COL12A1: variants seen among roughly 807,000 people sequenced by gnomAD.
COL12A1 encodes collagen alpha-1(XII) chain.
Under a neutral mutation model 349.7 loss-of-function variants are expected in COL12A1, and 114 were observed. The ratio of observed to expected loss-of-function variants is 0.33; its 90% CI spans 0.28 to 0.38. COL12A1 has a LOEUF of 0.38. Ranked by LOEUF, COL12A1 falls within the 10% of genes least tolerant of loss-of-function variation. The pLI, the probability that COL12A1 is intolerant of heterozygous loss-of-function variation, is 1.00. For synonymous variants in COL12A1, 1,369 were observed against 1,329.0 expected (o/e 1.03, Z -0.66); for missense variants, 3,284 against 3,756.9 (o/e 0.87, Z 3.29).
rs2149388242 is a variant in COL12A1 at position 75,133,966 on chromosome 6, C to T, written c.5556G>A (p.Val1852=). 2 of 1,613,960 alleles carry T rather than the reference C, an allele frequency of 1.2e-6. No homozygotes were observed. The highest frequency in any genetic ancestry group is 2.2e-5 in the East Asian group (1 of 44,842). ...TCAAGGTGCTGGTAGAAGGGTCATACACTCTCAGGTTCCTTACAGTGTTTA... is the reference window on the plus strand; with the variant it reads ...TCAAGGTGCTGGTAGAAGGGTCATATACTCTCAGGTTCCTTACAGTGTTTA... ...KPLNTVRNLR[V]YDPSTSTLNV... is the part of the protein sequence containing the mutation. The change falls in exon 33 of 66, where the codon GTG becomes GTA. Residue 1852 remains valine, a synonymous_variant. Transcript: ENST00000322507.
chr6:75,089,627 G>A (rs1429967709), intron 63 of COL12A1, among the ~76,000 whole-genome samples: 4 of 152,124 alleles, frequency 2.6e-5, no homozygotes, highest in African/African-American at 4.8e-5. Flanking sequence ...TGAAATATCT[G>A]GAATCAAATA....
intron 8 of COL12A1, among the ~76,000 whole-genome samples, chr6:75,188,019 T>C (rs1014198788): frequency 1.3e-4 from 20 of 152,250 alleles, no homozygotes; most frequent in African/African-American, 4.6e-4. Flanking sequence ...AATGTTTAAA[T>C]CAGAGTGCAA....
chr6:75,126,233 A>C, intron 39 of COL12A1, 118 bp downstream of exon 39: 1 of 1,189,026 alleles, frequency 8.4e-7, no homozygotes, highest in Non-Finnish European at 1.1e-6. Context: ...TGGTTACAGG[A>C]AACTTGGTGT....
intron 13 of COL12A1, among the ~76,000 whole-genome samples, chr6:75,170,705 G>A (rs943662880): frequency 1.3e-5 from 2 of 152,190 alleles, no homozygotes; most frequent in Non-Finnish European, 2.9e-5. Flanking sequence ...CAACGTCAGA[G>A]TTATTATACC....
At position 75,119,107 on chromosome 6, in the gene COL12A1, A is replaced by C; in HGVS notation, c.7290T>G (p.Val2430=). 1 of 1,613,974 alleles carries C rather than the reference A, an allele frequency of 6.2e-7. No individual in the cohort carries two copies. Among genetic ancestry groups the C allele is most frequent in the Non-Finnish European group, 8.5e-7 (1 of 1,179,918 alleles). ...GMRKNVPKVL[V]VVTDGRSQDE... is the part of the protein sequence containing the mutation. Reference sequence around the variant, plus strand: ...CCTGGGACCGACCGTCCGTGACCACAACCAACACCTTAGGGACATTCTTCC... The same window carrying C: ...CCTGGGACCGACCGTCCGTGACCACCACCAACACCTTAGGGACATTCTTCC... Residue 2430 remains valine, a synonymous_variant, in exon 46 of 66, where the codon GTT becomes GTG. Transcript: ENST00000322507.
intron 13 of COL12A1, among the ~76,000 whole-genome samples, chr6:75,168,935 T>C (rs1315596365): frequency 6.6e-6 from 1 of 152,196 alleles, no homozygotes; most frequent in African/African-American, 2.4e-5. Flanking sequence ...TATATTGCCA[T>C]GTACAGAAAA....
Position 75,146,190 on chromosome 6 carries a change from T to C in COL12A1, c.4472A>G (p.His1491Arg). ...TCCTCCCACAGGCTGCCACTGCACA[T>C]GCATGGTGGTAGGGCCAACATCATA... is the stretch of plus-strand genomic sequence containing the variant. The part of the protein sequence containing the change: ...NIYDVGPTTM[H>R]VQWQPVGGAT... Residue 1491 changes from histidine to arginine, a missense_variant, in exon 24 of 66, where the codon CAT (histidine) becomes CGT (arginine). Around this residue, in one of 2 missense-constraint regions of COL12A1, gnomAD observed 2,601 missense variants for 2,824.8 expected, o/e 0.92. Transcript: ENST00000322507. The C allele has an allele frequency of 6.2e-7, 1 of 1,613,538 alleles. No individual in the cohort carries two copies. The highest frequency in any genetic ancestry group is 8.5e-7 in the Non-Finnish European group (1 of 1,179,684).
At position 75,086,434 on chromosome 6, in the gene COL12A1, G is replaced by T. The variant is rs1767490819; in HGVS notation, c.*113C>A. ...CGACCCGGTTCGTTAACCATTATCT[G>T]TGGTGAGATTTCCATACAGACTCAT... On this transcript the variant is annotated 3_prime_UTR_variant, in exon 66 of 66. Coordinates refer to ENST00000322507, the MANE Select transcript of COL12A1 (RefSeq NM_004370.6). 2.1e-6 allele frequency: 2 copies of T among 953,090 alleles called. No individual in the cohort carries two copies. The highest frequency in any genetic ancestry group is 1.6e-6 in the Non-Finnish European group (1 of 633,986). 59.0% of individuals were successfully genotyped at this position (953,090 alleles called of 1,614,324 possible). A position where few individuals can be genotyped will look rare whatever the true frequency, so the allele number is the denominator to read the frequency against.
At chr6:75,198,339 G>C (rs1473081841) in intron 2 of COL12A1, among the ~76,000 whole-genome samples, 7 of 151,654 alleles carry the variant, frequency 4.6e-5, no homozygotes, top group Non-Finnish European at 8.8e-5. Context: ...AGGCATAAAT[G>C]GGTTTAATAT....
rs61611291 is a variant in COL12A1 at position 75,086,648 on chromosome 6, G to GTA, written c.9182-93_9182-92dup. 17,691 of 288,312 alleles carry GTA rather than the reference G, an allele frequency of 0.061. 1,321 individuals carry two copies. Among genetic ancestry groups the GTA allele is most frequent in the African/African-American group, 0.24 (9,812 of 41,112 alleles). 17.9% of individuals were successfully genotyped at this position (288,312 alleles called of 1,614,324 possible). On this transcript the variant is annotated intron_variant, in intron 65 of 65. Transcript: ENST00000322507. ...TCCATCTACGTATGTAATGGTTAAA[G>GTA]TATATATATATATATATATATATAT...
chr6:75,205,308 C>T (rs13200806), intron 1 of COL12A1, among the ~76,000 whole-genome samples: 2 of 151,184 alleles, frequency 1.3e-5, no homozygotes, highest in Non-Finnish European at 2.9e-5. Context: ...CGTGCAGCCT[C>T]GACGAGCTGC....
Position 75,130,181 on chromosome 6 carries a change from G to A in COL12A1, c.6120C>T (p.Ser2040=), listed in dbSNP as rs200570792. 511 of 1,613,974 alleles carry A rather than the reference G, an allele frequency of 3.2e-4. No homozygotes were observed. Among genetic ancestry groups the A allele is most frequent in the Non-Finnish European group, 4.1e-4 (485 of 1,179,938 alleles). ...NLRVFGETTN[S]LSVAWDHADG... ...CAGCATGATCCCAGGCTACCGAGAG[G>A]CTATTGGTTGTTTCACCAAAGACTC... The change falls in exon 37 of 66, where the codon AGC becomes AGT. Residue 2040 remains serine (S), a synonymous_variant. Coordinates refer to ENST00000322507, the MANE Select transcript of COL12A1 (RefSeq NM_004370.6).
chr6:75,172,968 G>C (rs1768716368), intron 13 of COL12A1, among the ~76,000 whole-genome samples: 1 of 152,150 alleles, frequency 6.6e-6, no homozygotes, highest in Non-Finnish European at 1.5e-5. Context: ...GTATATGCAG[G>C]GGATTTTGGT....
At chr6:75,110,973 C>T (rs1232424236) in intron 51 of COL12A1, among the ~76,000 whole-genome samples, 1 of 151,898 alleles carries the variant, frequency 6.6e-6, no homozygotes, top group African/African-American at 2.4e-5. Flanking sequence ...TTTATACTTG[C>T]AATTTGCAAG....
intron 65 of COL12A1, among the ~76,000 whole-genome samples, chr6:75,086,895 CA>C (rs1767523454): frequency 6.6e-6 from 1 of 151,950 alleles, no homozygotes. Flanking sequence ...TATCAAACAG[CA>C]GTATAATTTT....
At chr6:75,166,092 A>T (rs1323029530) in intron 13 of COL12A1, among the ~76,000 whole-genome samples, 1 of 152,148 alleles carries the variant, frequency 6.6e-6, no homozygotes, top group Non-Finnish European at 1.5e-5. Context: ...AAAAATTCCA[A>T]AGGAAAAAAA....
At chr6:75,197,322 T>TTA (rs1770281465) in intron 2 of COL12A1, among the ~76,000 whole-genome samples, 1 of 151,578 alleles carries the variant, frequency 6.6e-6, no homozygotes, top group East Asian at 1.9e-4. Flanking sequence ...TCTTTTTTTT[T>TTA]TTTTTTTGAG....
At chr6:75,188,189 A>G (rs1188098157) in intron 8 of COL12A1, among the ~76,000 whole-genome samples, 173 bp downstream of exon 8, 1 of 152,184 alleles carries the variant, frequency 6.6e-6, no homozygotes, top group Non-Finnish European at 1.5e-5. Flanking sequence ...AGAAGGAAAA[A>G]CAATACAAAT....
chr6:75,134,041 A>G, intron 32 of COL12A1, 44 bp from the exon 33 acceptor site: 24 of 1,584,664 alleles, frequency 1.5e-5, no homozygotes, highest in Non-Finnish European at 2.1e-5. Context: ...GCTAACAATC[A>G]AGCACACATG....
Sources: allele counts gnomAD v4.1 joint callset (sites outside exome capture counted in the v4.1 genomes callset), GRCh38; gene constraint gnomAD v4.1.1; regional missense constraint gnomAD v4.1.1; transcripts MANE v1.5; gene names NCBI Gene and HGNC (gene_info 2026-07-23, HGNC 2026-07-21).